TRPV1: variants seen among roughly 807,000 people sequenced by gnomAD.
TRPV1 encodes the protein OTRPC1.
Under a neutral mutation model 82.3 loss-of-function variants are expected in TRPV1, and 82 were observed. The observed-to-expected ratio is 1.00, with a 90% CI of 0.83 to 1.20. TRPV1 has a LOEUF of 1.20. Ranked by LOEUF, TRPV1 falls within the 50% of genes most tolerant of loss-of-function variation. The pLI, the probability that TRPV1 is intolerant of heterozygous loss-of-function variation, is 0.00. For missense variants in TRPV1, 1,067 were observed against 1,096.8 expected (o/e 0.97, Z 0.38); for synonymous variants, 515 against 467.7 (o/e 1.10, Z -1.30).
At chr17:3,567,047 T>C in intron 16 of TRPV1, 60 bp from the exon 17 acceptor site, 1 of 1,569,332 alleles carries the variant, frequency 6.4e-7, no homozygotes, top group South Asian at 1.2e-5. Flanking sequence ...CTTCTTGGCC[T>C]CCCAAGTCTC....
rs1361313089 is a variant in TRPV1, at chr17:3,567,000, A to G, written c.2348-13T>C. On this transcript the variant is annotated splice_polypyrimidine_tract_variant and intron_variant, in intron 16 of 16. Transcript: ENST00000572705. ...TGTCTGCCTGAAACTGAAGGGTAAC[A>G]CTATTACTACCTTGGATGCAACAAA... The G allele has an allele frequency of 6.2e-7, 1 of 1,612,694 alleles. No homozygotes were observed.
intron 3 of TRPV1, among the ~76,000 whole-genome samples, chr17:3,591,732 G>A (rs894015041): frequency 6.6e-6 from 1 of 152,086 alleles, no homozygotes; most frequent in African/African-American, 2.4e-5. Flanking sequence ...CCAGAAGTCA[G>A]CCAGCCTGTG....
At position 3,592,309 on chromosome 17, in the gene TRPV1, G is replaced by T. The variant is rs377320408; in HGVS notation, c.42C>A (p.Asp14Glu). 156 of 1,599,200 alleles carry T rather than the reference G, an allele frequency of 9.8e-5. 3 individuals carry two copies. In the East Asian group the frequency reaches 2.0e-3, roughly 20 times the overall value. The change falls in exon 3 of 17, where the codon GAC becomes GAA. Residue 14 changes from aspartate to glutamate, a missense_variant. Asp to Glu is a conservative substitution (Grantham distance 45, BLOSUM62 2). Coordinates refer to ENST00000572705, the MANE Select transcript of TRPV1 (RefSeq NM_080704.4). ...CTGGGCAGGTGTCCTTTTGGAGTGG[G>T]TCCGCAGCTGCCCCCAAGTCTGTGC... ...WSSTDLGAAADPLQKDTCPDP... is the reference protein window; with the variant it reads ...WSSTDLGAAAEPLQKDTCPDP...
rs1299286213 is a variant in TRPV1 at position 3,588,313 on chromosome 17, A to C, written c.1099T>G (p.Ser367Ala). The change falls in exon 8 of 17, where the codon TCC becomes GCC. Residue 367 changes from serine to alanine, a missense_variant. Coordinates refer to ENST00000572705, the MANE Select transcript of TRPV1 (RefSeq NM_080704.4). ...TAGGCCCACTCGGTGAACTTCCTGG[A>C]CAGGTGCCTGCACTCGGGCTCCTGG... ...EIQEPECRHLSRKFTEWAYGP... is the reference protein window; with the variant it reads ...EIQEPECRHLARKFTEWAYGP... 9 of 1,570,922 alleles carry C rather than the reference A, an allele frequency of 5.7e-6. No homozygotes were observed. Among genetic ancestry groups the C allele is most frequent in the Non-Finnish European group, 7.8e-6 (9 of 1,158,506 alleles).
At chr17:3,584,253 GAC>G (rs2075055337) in intron 9 of TRPV1, among the ~76,000 whole-genome samples, 1 of 151,554 alleles carries the variant, frequency 6.6e-6, no homozygotes. Flanking sequence ...AACAGAGCGA[GAC>G]TCTGTCTCAA....
intron 13 of TRPV1, among the ~76,000 whole-genome samples, chr17:3,576,023 A>C (rs1260629500): frequency 6.6e-6 from 1 of 151,330 alleles, no homozygotes; most frequent in Non-Finnish European, 1.5e-5. Context: ...TCAGGAGCTC[A>C]AGACCAACAT....
Position 3,573,787 on chromosome 17 carries a change from A to G in TRPV1, c.1949T>C (p.Phe650Ser). 6.2e-7 allele frequency: 1 copy of G among 1,613,946 alleles called. No homozygotes were observed. Among genetic ancestry groups the G allele is most frequent in the Non-Finnish European group, 8.5e-7 (1 of 1,179,932 alleles). ...KFTIGMGDLE[F>S]TENYDFKAVF... Reference sequence around the variant, plus strand: ...AGCCTTGAAGTCATAGTTCTCAGTGAACTCCAGGTCGCCCATGCCGATGGT... The same window carrying G: ...AGCCTTGAAGTCATAGTTCTCAGTGGACTCCAGGTCGCCCATGCCGATGGT... Residue 650 changes from phenylalanine (F) to serine (S), a missense_variant, in exon 14 of 17, where the codon TTC becomes TCC. Transcript: ENST00000572705.
chr17:3,590,774 C>A (rs895718236), intron 5 of TRPV1, among the ~76,000 whole-genome samples, 190 bp downstream of exon 5: 7 of 151,970 alleles, frequency 4.6e-5, no homozygotes, highest in Non-Finnish European at 7.4e-5. Context: ...AGGCAGAGAC[C>A]CCCAGGACCA....
chr17:3,599,241 A>G (rs765215923), intron 2 of TRPV1, among the ~76,000 whole-genome samples: 1 of 152,074 alleles, frequency 6.6e-6, no homozygotes, highest in Non-Finnish European at 1.5e-5. Flanking sequence ...CTCTGTCTCA[A>G]AATATATATT....
chr17:3,576,653 G>GAAGA (rs1555549428), intron 13 of TRPV1, among the ~76,000 whole-genome samples: 1 of 41,490 alleles, frequency 2.4e-5, no homozygotes, highest in Non-Finnish European at 4.6e-5. Flanking sequence ...CTCTGTATGA[G>GAAGA]AAAAAAAAAA....
intron 9 of TRPV1, among the ~76,000 whole-genome samples, chr17:3,584,339 C>T (rs1233860663): frequency 7.0e-6 from 1 of 142,692 alleles, no homozygotes. Context: ...GGAGGCAGAG[C>T]TTGCAGTGAG....
At chr17:3,586,321 C>T (rs1304486474) in intron 8 of TRPV1, among the ~76,000 whole-genome samples, 1 of 152,242 alleles carries the variant, frequency 6.6e-6, no homozygotes, top group Non-Finnish European at 1.5e-5. Context: ...GAAAGAGCCT[C>T]TGGGTCCTCA....
chr17:3,598,715 G>A (rs1367034716), intron 2 of TRPV1, among the ~76,000 whole-genome samples: 1 of 151,434 alleles, frequency 6.6e-6, no homozygotes, highest in East Asian at 2.0e-4. Flanking sequence ...ACAGGCACGT[G>A]CCACCACGCC....
intron 13 of TRPV1, among the ~76,000 whole-genome samples, chr17:3,576,668 A>AAAAAAAAAAAAAAAAAAAAATAT: frequency 1.0e-4 from 4 of 38,426 alleles, no homozygotes; most frequent in Admixed American, 4.5e-4. Flanking sequence ...AAAAAAAAAA[A>AAAAAAAAAAAAAAAAAAAAATAT]ATATATATAT....
intron 2 of TRPV1, among the ~76,000 whole-genome samples, chr17:3,598,444 T>C (rs900788219): frequency 6.6e-6 from 1 of 152,062 alleles, no homozygotes; most frequent in Non-Finnish European, 1.5e-5. Flanking sequence ...GAGAAATGTG[T>C]GACGCTGGGC....
intron 16 of TRPV1, 102 bp from the exon 17 acceptor site, chr17:3,567,089 G>A (rs2074773991): frequency 3.0e-6 from 4 of 1,337,864 alleles, no homozygotes; most frequent in African/African-American, 2.9e-5. Flanking sequence ...CAGGCACGAT[G>A]GCTCATGCCT....
intron 3 of TRPV1, 81 bp from the exon 4 acceptor site, chr17:3,591,434 G>A (rs2075156611): frequency 1.6e-5 from 24 of 1,476,710 alleles, no homozygotes; most frequent in South Asian, 9.5e-5. Context: ...AAGGGAACAC[G>A]ACTAAATCCC....
intron 14 of TRPV1, among the ~76,000 whole-genome samples, chr17:3,573,187 G>A (rs932334011): frequency 6.6e-6 from 1 of 152,064 alleles, no homozygotes; most frequent in South Asian, 2.1e-4. Flanking sequence ...AGCTGTCAGG[G>A]CCCTGCCTCA....
chr17:3,584,632 C>T (rs190166716), intron 9 of TRPV1, among the ~76,000 whole-genome samples: 3 of 151,878 alleles, frequency 2.0e-5, no homozygotes, highest in East Asian at 3.9e-4. Context: ...CCCATCTCTA[C>T]TAAAAATATA....
Sources: gnomAD v4.1 joint callset for allele counts (sites outside exome capture counted in the v4.1 genomes callset) on GRCh38, gnomAD v4.1.1 for gene constraint, MANE v1.5 for transcripts, NCBI Gene and HGNC (gene_info 2026-07-23, HGNC 2026-07-21) for gene names.